The following BICD1 variants were observed in gnomAD, a reference collection of about 807,000 sequenced individuals.
BICD1 encodes protein bicaudal D homolog 1.
In BICD1, 35 loss-of-function variants were observed where a neutral mutation model predicts 92.5. That is an observed-to-expected ratio of 0.38 (90% CI 0.29 to 0.50). The LOEUF (loss-of-function observed/expected upper bound fraction) is 0.50, where lower values mean the gene tolerates loss of function less well. BICD1 is among the 20% of genes least tolerant of loss of function. The pLI is 0.93. For missense variants in BICD1, 950 were observed against 1,189.8 expected (o/e 0.80, Z 2.97); for synonymous variants, 429 against 465.1 (o/e 0.92, Z 1.00).
intron 1 of BICD1, among the ~76,000 whole-genome samples, chr12:32,210,309 C>T (rs938610381): frequency 8.5e-5 from 13 of 152,080 alleles, no homozygotes; most frequent in Admixed American, 3.3e-4. Flanking sequence ...ACCTAGTACA[C>T]GTTCTGCCAC....
intron 8 of BICD1, chr12:32,354,070 A>C (rs1180990415): frequency 1.3e-5 from 2 of 152,218 alleles, no homozygotes; most frequent in East Asian, 3.8e-4. Context: ...TCAGAAATAG[A>C]AAGCTGACTG....
intron 2 of BICD1, among the ~76,000 whole-genome samples, chr12:32,231,787 T>A (rs1180519365): frequency 7.3e-6 from 1 of 137,436 alleles, no homozygotes; most frequent in Non-Finnish European, 1.5e-5. Context: ...CCTTCCTGTG[T>A]CCATGTGATC....
chr12:32,164,178 T>C (rs1202887524), intron 1 of BICD1, among the ~76,000 whole-genome samples: 1 of 152,218 alleles, frequency 6.6e-6, no homozygotes, highest in Non-Finnish European at 1.5e-5. Flanking sequence ...CTTTCAACTT[T>C]ACCTAGACTG....
intron 1 of BICD1, among the ~76,000 whole-genome samples, chr12:32,161,924 C>T (rs936249959): frequency 6.6e-6 from 1 of 152,086 alleles, no homozygotes; most frequent in Non-Finnish European, 1.5e-5. Flanking sequence ...TAGAGTTATA[C>T]CAACACTGCC....
intron 5 of BICD1, among the ~76,000 whole-genome samples, chr12:32,331,542 G>A (rs1359514062): frequency 6.6e-6 from 1 of 152,122 alleles, no homozygotes; most frequent in Admixed American, 6.5e-5. Context: ...ATGGGATCCA[G>A]GTCCAAACAT....
At chr12:32,148,343 A>C (rs1943181331) in intron 1 of BICD1, among the ~76,000 whole-genome samples, 1 of 152,148 alleles carries the variant, frequency 6.6e-6, no homozygotes, top group East Asian at 1.9e-4. Flanking sequence ...TGTTCCCCGC[A>C]ACAGGCACCC....
chr12:32,145,996 G>T (rs1206848602), intron 1 of BICD1, among the ~76,000 whole-genome samples: 1 of 152,080 alleles, frequency 6.6e-6, no homozygotes, highest in East Asian at 1.9e-4. Context: ...AACAGGGATG[G>T]GTCCAGCTCT....
chr12:32,135,714 A>C (rs929383715), intron 1 of BICD1, among the ~76,000 whole-genome samples: 1 of 151,982 alleles, frequency 6.6e-6, no homozygotes, highest in African/African-American at 2.4e-5. Context: ...AAGAGCGTGA[A>C]TCTCTAATTC....
intron 1 of BICD1, among the ~76,000 whole-genome samples, chr12:32,128,725 A>G (rs137893715): frequency 4.6e-5 from 7 of 152,100 alleles, no homozygotes; most frequent in African/African-American, 1.4e-4. Flanking sequence ...TAATATATCA[A>G]TATGAGAAAT....
At chr12:32,257,175 T>C (rs142600803) in intron 2 of BICD1, among the ~76,000 whole-genome samples, 1,499 of 127,290 alleles carry the variant, frequency 0.012, 17 homozygotes, top group African/African-American at 0.031. Flanking sequence ...ATGGCACCAC[T>C]GCACTCCAGC....
At chr12:32,195,162 T>A (rs1489969980) in intron 1 of BICD1, among the ~76,000 whole-genome samples, 1 of 151,776 alleles carries the variant, frequency 6.6e-6, no homozygotes, top group African/African-American at 2.4e-5. Flanking sequence ...GTGGAATAGT[T>A]AATATTGTTA....
intron 1 of BICD1, among the ~76,000 whole-genome samples, chr12:32,136,862 A>G (rs1942752273): frequency 6.6e-6 from 1 of 152,176 alleles, no homozygotes. Context: ...ACCCATACTC[A>G]CCTTGTCCAC....
rs1937935850 is a variant in BICD1, at chr12:32,332,819, AT to A, written c.2101-1695del. ...TTGGAGTGACAAAATAGAATAATAT[AT>A]TCAGGGAATGCTCACAAAGGCCTAT... On this transcript the variant is annotated intron_variant, in intron 5 of 9. Transcript: ENST00000652176. 1.8e-5 allele frequency: 17 copies of A among 963,942 alleles called. No homozygotes were observed. The South Asian group carries it at 6.2e-4, about 35-fold the overall frequency. The allele number at this position is 963,942 out of a possible 1,614,324, so 59.7% of individuals were successfully genotyped here.
rs201855395 is a variant in BICD1 at position 32,188,189 on chromosome 12, C to T, written c.214-28058C>T. On this transcript the variant is annotated intron_variant, in intron 1 of 9. Transcript: ENST00000652176. ...CTGACCTCAGGTGATCCACCCACCT[C>T]GGCCTCCCAAAGTACTGGGATTACA... Among the ~76,000 whole-genome samples the T allele has an allele frequency of 3.9e-5, 6 of 152,248 alleles. No homozygotes were observed. In the East Asian group the frequency reaches 5.8e-4, roughly 15 times the overall value.
At chr12:32,114,493 T>A (rs1262188439) in intron 1 of BICD1, among the ~76,000 whole-genome samples, 4 of 151,996 alleles carry the variant, frequency 2.6e-5, no homozygotes, top group African/African-American at 9.7e-5. Context: ...GCAATCCTCA[T>A]GCCTCAGCCC....
At chr12:32,111,274 T>C (rs1284745887) in intron 1 of BICD1, among the ~76,000 whole-genome samples, 1 of 152,230 alleles carries the variant, frequency 6.6e-6, no homozygotes, top group African/African-American at 2.4e-5. Context: ...CTTTTTCTTT[T>C]GGAGCCAACT....
chr12:32,162,423 A>G (rs1019206634), intron 1 of BICD1, among the ~76,000 whole-genome samples: 1 of 152,234 alleles, frequency 6.6e-6, no homozygotes, highest in Non-Finnish European at 1.5e-5. Context: ...GACATGAGGC[A>G]GTGATTAAGT....
chr12:32,292,553 T>G (rs1947753512), intron 2 of BICD1, among the ~76,000 whole-genome samples: 2 of 152,240 alleles, frequency 1.3e-5, no homozygotes, highest in Admixed American at 1.3e-4. Context: ...CTTTTGCATC[T>G]GGCTTATTTC....
chr12:32,246,029 CAAA>C lies in BICD1; in HGVS notation c.426+29593_426+29595del, dbSNP rs71068311. Among the ~76,000 whole-genome samples the C allele has an allele frequency of 8.2e-3, 361 of 44,032 alleles. 2 individuals are homozygous for C. Among genetic ancestry groups the C allele is most frequent in the African/African-American group, 0.033 (333 of 10,198 alleles). The allele number at this position is 44,032 out of a possible 152,430, so 28.9% of individuals were successfully genotyped here. A position where few individuals can be genotyped will look rare whatever the true frequency, so the allele number is the denominator to read the frequency against. ...TGGGTGATAGAATGATACTCTGTCT[CAAA>C]AAAAAAAAAAAAAAAAAAAAAAGGA... On this transcript the variant is annotated intron_variant, in intron 2 of 9. Transcript: ENST00000652176.
Sources: allele counts gnomAD v4.1 joint callset (sites outside exome capture counted in the v4.1 genomes callset), GRCh38; gene constraint gnomAD v4.1.1; transcripts MANE v1.5; gene names NCBI Gene and HGNC (gene_info 2026-07-23, HGNC 2026-07-21).